The following PLD1 variants were observed in gnomAD, a reference collection of about 807,000 sequenced individuals.
PLD1 encodes choline phosphatase 1.
In PLD1, 112 loss-of-function variants were observed where a neutral mutation model predicts 137.1. That is an observed-to-expected ratio of 0.82 (90% CI 0.70 to 0.96). The LOEUF (loss-of-function observed/expected upper bound fraction) is 0.96, where lower values mean the gene tolerates loss of function less well. Ranked by LOEUF, PLD1 falls within the 40% of genes least tolerant of loss-of-function variation. The pLI is 0.00. For synonymous variants in PLD1, 431 were observed against 454.7 expected, an observed-to-expected ratio of 0.95 and a Z score of 0.66; for missense variants, 1,321 against 1,342.0, an observed-to-expected ratio of 0.98 and a Z score of 0.24.
At chr3:171,708,720 C>T (rs1459510345) in intron 11 of PLD1, 35 bp downstream of exon 11, 4 of 1,107,824 alleles carry the variant, frequency 3.6e-6, no homozygotes, top group Non-Finnish European at 5.6e-6. Flanking sequence ...AACATAGAGA[C>T]TTCCAGAAAA....
chr3:171,683,342 T>A (rs538876597), intron 16 of PLD1, among the ~76,000 whole-genome samples: 1 of 152,200 alleles, frequency 6.6e-6, no homozygotes, highest in East Asian at 1.9e-4. Flanking sequence ...TCCGATGACT[T>A]CCTATCTCAC....
At chr3:171,810,315 G>C (rs1044837479) in intron 1 of PLD1, 84 bp downstream of exon 1, 2 of 152,310 alleles carry the variant, frequency 1.3e-5, no homozygotes, top group African/African-American at 4.8e-5. Context: ...GCCCAGGTTG[G>C]GCGGAGGAGG....
intron 1 of PLD1, among the ~76,000 whole-genome samples, chr3:171,767,778 C>T (rs547091291): frequency 6.6e-6 from 1 of 152,140 alleles, no homozygotes; most frequent in African/African-American, 2.4e-5. Context: ...TTACAAGGCT[C>T]ATGCCTATAA....
chr3:171,783,900 G>A (rs2108344393), intron 1 of PLD1, among the ~76,000 whole-genome samples: 1 of 152,240 alleles, frequency 6.6e-6, no homozygotes, highest in South Asian at 2.1e-4. Context: ...GCCTGCCTTA[G>A]GCTACCAAAG....
At chr3:171,776,943 CCT>C (rs1379767728) in intron 1 of PLD1, among the ~76,000 whole-genome samples, 8 of 152,072 alleles carry the variant, frequency 5.3e-5, no homozygotes, top group African/African-American at 1.9e-4. Flanking sequence ...AACTAGATAA[CCT>C]CTCTTTTTAA....
chr3:171,657,450 T>G (rs2108424482), intron 21 of PLD1, among the ~76,000 whole-genome samples: 1 of 152,330 alleles, frequency 6.6e-6, no homozygotes, highest in Middle Eastern at 3.4e-3. Flanking sequence ...AATATAATGG[T>G]TTTGCTTATG....
chr3:171,751,463 G>A (rs531806096), intron 1 of PLD1, among the ~76,000 whole-genome samples: 47 of 152,112 alleles, frequency 3.1e-4, no homozygotes, highest in Non-Finnish European at 5.9e-4. Context: ...TAAGAAAAAT[G>A]TAAAAAATAC....
rs1342068109 is a variant in PLD1, at chr3:171,679,046, C to A, written c.1868-1352G>T. ...ACTGCTGTCATCCCACTAACAACTG[C>A]CCCAACACCTCTGACTCTGTGACGC... On this transcript the variant is annotated intron_variant, in intron 16 of 26. Coordinates refer to ENST00000351298, the MANE Select transcript of PLD1 (RefSeq NM_002662.5). Among the ~76,000 whole-genome samples, 4 of 152,284 alleles carry A rather than the reference C, an allele frequency of 2.6e-5. No homozygotes were observed. The South Asian group carries it at 8.3e-4, about 32-fold the overall frequency.
chr3:171,757,181 C>T (rs1721085024), intron 1 of PLD1, among the ~76,000 whole-genome samples: 1 of 152,122 alleles, frequency 6.6e-6, no homozygotes, highest in Non-Finnish European at 1.5e-5. Context: ...TACTTTAATT[C>T]CACTGTTTTC....
chr3:171,785,327 T>TC (rs1722968315), intron 1 of PLD1, among the ~76,000 whole-genome samples: 1 of 152,206 alleles, frequency 6.6e-6, no homozygotes, highest in South Asian at 2.1e-4. Flanking sequence ...AATAATTTAA[T>TC]GAGTTTATTT....
At chr3:171,626,166 C>T (rs894491335) in intron 23 of PLD1, among the ~76,000 whole-genome samples, 8 of 152,024 alleles carry the variant, frequency 5.3e-5, no homozygotes, top group East Asian at 1.9e-4. Context: ...AAGGAGCTGA[C>T]GGAGCTGAAA....
At chr3:171,666,087 C>T (rs1332366899) in intron 19 of PLD1, among the ~76,000 whole-genome samples, 2 of 152,206 alleles carry the variant, frequency 1.3e-5, no homozygotes, top group Admixed American at 6.5e-5. Context: ...AGGCAGGGAA[C>T]CCTGAGGTTA....
chr3:171,646,951 C>G (rs12107890), intron 21 of PLD1, among the ~76,000 whole-genome samples: 1 of 152,218 alleles, frequency 6.6e-6, no homozygotes, highest in Admixed American at 6.5e-5. Flanking sequence ...CCCACTTCTT[C>G]TAGGTCACCT....
intron 1 of PLD1, among the ~76,000 whole-genome samples, chr3:171,756,857 G>A (rs865804519): frequency 6.6e-6 from 1 of 152,152 alleles, no homozygotes; most frequent in African/African-American, 2.4e-5. Flanking sequence ...AGACAACTCC[G>A]TCAATACACT....
intron 1 of PLD1, among the ~76,000 whole-genome samples, chr3:171,756,854 T>C (rs1273456327): frequency 6.6e-6 from 1 of 152,180 alleles, no homozygotes; most frequent in Non-Finnish European, 1.5e-5. Context: ...CAAAGACAAC[T>C]CCGTCAATAC....
chr3:171,623,157 G>T (rs143434886), intron 23 of PLD1, among the ~76,000 whole-genome samples: 6 of 151,834 alleles, frequency 4.0e-5, no homozygotes, highest in Non-Finnish European at 5.9e-5. Context: ...ACATGAGATC[G>T]CATTAATGTA....
chr3:171,791,747 T>A (rs1723221118), intron 1 of PLD1: 1 of 151,802 alleles, frequency 6.6e-6, no homozygotes, highest in East Asian at 1.9e-4. Flanking sequence ...GGGCCATTCA[T>A]AATACTGAAG....
At position 171,603,283 on chromosome 3, in the gene PLD1, T is replaced by C. The variant is rs150081734; in HGVS notation, c.3020A>G (p.Asn1007Ser). 2.5e-5 allele frequency: 41 copies of C among 1,613,760 alleles called. No individual in the cohort carries two copies. Among genetic ancestry groups the C allele is most frequent in the African/African-American group, 2.0e-4 (15 of 74,924 alleles). ...IYDKVFRCLP[N>S]DEVHNLIQLR... ...CTGAATTAAATTGTGTACTTCATCA[T>C]TGGGAAGGCACCGGAAAACCTGATT... Residue 1007 changes from asparagine (N) to serine (S), a missense_variant, in exon 27 of 27, where the codon AAT becomes AGT. Physicochemically the swap from Asn to Ser is conservative, Grantham distance 46. Transcript: ENST00000351298.
chr3:171,684,527 G>C (rs996174106), intron 16 of PLD1, among the ~76,000 whole-genome samples: 40 of 152,052 alleles, frequency 2.6e-4, no homozygotes, highest in Admixed American at 2.3e-3. Context: ...CCAGTACTAG[G>C]TGTATGCTAA....
Sources: gnomAD v4.1 joint callset for allele counts (sites outside exome capture counted in the v4.1 genomes callset) on GRCh38, gnomAD v4.1.1 for gene constraint, MANE v1.5 for transcripts, NCBI Gene and HGNC (gene_info 2026-07-23, HGNC 2026-07-21) for gene names.